The following WDR27 variants were observed in gnomAD, a reference collection of about 807,000 sequenced individuals.
WDR27 encodes WD repeat domain 27.
In WDR27, 100 loss-of-function variants were observed where a neutral mutation model predicts 114.4. The observed-to-expected ratio is 0.87, with a 90% CI of 0.74 to 1.03. The LOEUF (loss-of-function observed/expected upper bound fraction) is 1.03, where lower values mean the gene tolerates loss of function less well. Ranked by LOEUF, WDR27 falls within the 50% of genes least tolerant of loss-of-function variation. The pLI, the probability that WDR27 is intolerant of heterozygous loss-of-function variation, is 0.00. For synonymous variants in WDR27, 449 were observed against 423.1 expected, an observed-to-expected ratio of 1.06 and a Z score of -0.75; for missense variants, 1,129 against 1,092.9, an observed-to-expected ratio of 1.03 and a Z score of -0.47.
the WDR27 span, among the ~76,000 whole-genome samples, chr6:169,451,534 T>C: frequency 6.6e-6 from 1 of 152,222 alleles, no homozygotes; most frequent in Non-Finnish European, 1.5e-5. Flanking sequence ...TCATTTCTCA[T>C]AGATAAGTAC....
intron 25 of WDR27, among the ~76,000 whole-genome samples, chr6:169,557,446 G>A (rs927331604): frequency 3.9e-5 from 6 of 152,190 alleles, no homozygotes; most frequent in Admixed American, 6.5e-5. Flanking sequence ...CACCTGTGAT[G>A]CGGGACTGGG....
chr6:169,608,118 G>T (rs1191842739), intron 22 of WDR27, among the ~76,000 whole-genome samples: 1 of 152,188 alleles, frequency 6.6e-6, no homozygotes, highest in African/African-American at 2.4e-5. Flanking sequence ...TAAATATATG[G>T]TATAAAAGGA....
At chr6:169,431,342 G>T in the WDR27 span, among the ~76,000 whole-genome samples, 1 of 151,940 alleles carries the variant, frequency 6.6e-6, no homozygotes. Context: ...GACATTCTTG[G>T]TGTCAGAAGT....
At chr6:169,450,356 C>T in the WDR27 span, among the ~76,000 whole-genome samples, 2 of 152,288 alleles carry the variant, frequency 1.3e-5, no homozygotes, top group East Asian at 1.9e-4. Context: ...CTGCTGCTTC[C>T]CAAGTGCCAG....
chr6:169,692,441 G>T (rs1784758200), intron 1 of WDR27, among the ~76,000 whole-genome samples: 1 of 152,108 alleles, frequency 6.6e-6, no homozygotes, highest in Non-Finnish European at 1.5e-5. Flanking sequence ...GTGGACAGAT[G>T]GGGAGGGGCA....
chr6:169,589,142 C>T (rs6932553), intron 23 of WDR27, among the ~76,000 whole-genome samples: 15,103 of 152,178 alleles, frequency 0.099, 874 homozygotes, highest in African/African-American at 0.15. Context: ...TTCTGAGGAT[C>T]CACTCTTCAG....
At chr6:169,437,777 A>G in the WDR27 span, among the ~76,000 whole-genome samples, 1 of 151,954 alleles carries the variant, frequency 6.6e-6, no homozygotes, top group Non-Finnish European at 1.5e-5. Context: ...ACACTCTCCA[A>G]CTTTTTTGTT....
At chr6:169,478,032 G>A (rs1305703664) in intron 25 of WDR27, among the ~76,000 whole-genome samples, 1 of 152,092 alleles carries the variant, frequency 6.6e-6, no homozygotes, top group Non-Finnish European at 1.5e-5. Flanking sequence ...CACACTAAAT[G>A]CACACTGTAC....
chr6:169,495,733 C>T (rs1312639639), intron 25 of WDR27, among the ~76,000 whole-genome samples: 1 of 152,006 alleles, frequency 6.6e-6, no homozygotes, highest in Non-Finnish European at 1.5e-5. Context: ...ACTAAAATAG[C>T]ACATCTGAAT....
intron 9 of WDR27, 146 bp downstream of exon 9, chr6:169,662,158 G>T: frequency 1.3e-6 from 1 of 780,280 alleles, no homozygotes; most frequent in Non-Finnish European, 2.0e-6. Flanking sequence ...TTTAAAACAT[G>T]CAATCCCAAG....
intron 16 of WDR27, among the ~76,000 whole-genome samples, chr6:169,645,381 C>T (rs867146467): frequency 6.6e-6 from 1 of 151,446 alleles, no homozygotes; most frequent in African/African-American, 2.4e-5. Context: ...AAGCCTAGTT[C>T]GCAGGAGTCC....
At chr6:169,612,428 AAAACAAACAAACGAAC>A (rs1364738946) in intron 22 of WDR27, among the ~76,000 whole-genome samples, 1 of 151,538 alleles carries the variant, frequency 6.6e-6, no homozygotes, top group Non-Finnish European at 1.5e-5. Context: ...ACTCCGTCTC[AAAACAAACAAACGAAC>A]AAACAAACAA....
At chr6:169,469,411 CATTTAA>C (rs1334803041) in intron 25 of WDR27, among the ~76,000 whole-genome samples, 1 of 152,208 alleles carries the variant, frequency 6.6e-6, no homozygotes, top group African/African-American at 2.4e-5. Context: ...AGGCAAACTC[CATTTAA>C]TTTTAAGGTT....
At chr6:169,430,428 T>A in the WDR27 span, among the ~76,000 whole-genome samples, 2 of 152,232 alleles carry the variant, frequency 1.3e-5, no homozygotes, top group Non-Finnish European at 2.9e-5. Context: ...GAATCCAGCA[T>A]GTTGGGCTGA....
intron 5 of WDR27, 80 bp from the exon 6 acceptor site, chr6:169,667,267 A>C: frequency 7.4e-7 from 1 of 1,343,904 alleles, no homozygotes; most frequent in African/African-American, 1.5e-5. Context: ...AGTACTATTC[A>C]CTATCAGATT....
At chr6:169,545,684 A>G (rs12198172) in intron 25 of WDR27, among the ~76,000 whole-genome samples, 2 of 152,216 alleles carry the variant, frequency 1.3e-5, no homozygotes, top group African/African-American at 4.8e-5. Context: ...TCTCCAAAAA[A>G]TAAAAAACTT....
intron 23 of WDR27, among the ~76,000 whole-genome samples, chr6:169,586,771 C>T (rs1804663199): frequency 7.2e-6 from 1 of 138,872 alleles, no homozygotes; most frequent in African/African-American, 2.7e-5. Flanking sequence ...ATTGCTTGAA[C>T]CCAGGAGGCA....
chr6:169,638,335 A>AG (rs1818225233), intron 18 of WDR27, among the ~76,000 whole-genome samples: 2 of 78,000 alleles, frequency 2.6e-5, no homozygotes, highest in East Asian at 2.6e-4. Flanking sequence ...AAAAAAAAAA[A>AG]AAAAAAAAAA....
At chr6:169,585,077 T>C (rs1325809678) in intron 23 of WDR27, among the ~76,000 whole-genome samples, 1 of 152,158 alleles carries the variant, frequency 6.6e-6, no homozygotes, top group African/African-American at 2.4e-5. Context: ...ATCTCTTTAA[T>C]AAATGGTGTT....
Sources: gnomAD v4.1 joint callset for allele counts (sites outside exome capture counted in the v4.1 genomes callset) on GRCh38, gnomAD v4.1.1 for gene constraint, MANE v1.5 for transcripts, NCBI Gene and HGNC (gene_info 2026-07-23, HGNC 2026-07-21) for gene names.